Variants in A2M observed in about 807,000 individuals in gnomAD.
The protein encoded by A2M is alpha-2-macroglobulin.
A2M carries 128 observed loss-of-function variants against 183.9 expected under a neutral mutation model. The observed-to-expected ratio is 0.70, with a 90% CI of 0.60 to 0.81. The LOEUF (loss-of-function observed/expected upper bound fraction) is 0.81. Ranked by LOEUF, A2M falls within the 30% of genes least tolerant of loss-of-function variation. A2M has a pLI of 0.00. For missense variants in A2M, 1,495 were observed against 1,787.6 expected (o/e 0.84, Z 2.95); for synonymous variants, 592 against 670.8 (o/e 0.88, Z 1.81).
intron 18 of A2M, among the ~76,000 whole-genome samples, chr12:9,092,801 A>C (rs1437207899): frequency 6.6e-6 from 1 of 152,218 alleles, no homozygotes; most frequent in Admixed American, 6.5e-5. Context: ...CCTTGTAGAG[A>C]TATATGTGTT....
At chr12:9,116,061 A>T, upstream of A2M, 1 of 563,320 alleles carries the variant, frequency 1.8e-6, no homozygotes, top group Admixed American at 2.4e-5. Context: ...GTCAAGGTTA[A>T]TTCCTGGCGG....
chr12:9,080,287 G>A lies in A2M; in HGVS notation c.2771-110C>T, dbSNP rs1034042455. On this transcript the variant is annotated intron_variant, in intron 22 of 35. Transcript: ENST00000318602. ...TATGCCTTATACCTAAACTCCTCCT[G>A]AAAAGTTGTCCGCCTTTAATACAAC... 6 of 596,020 alleles carry A rather than the reference G, an allele frequency of 1.0e-5. No homozygotes were observed. The African/African-American group carries it at 1.2e-4, about 11-fold the overall frequency. 36.9% of individuals were successfully genotyped at this position (596,020 alleles called of 1,614,324 possible). A position where few individuals can be genotyped will look rare whatever the true frequency, so the allele number is the denominator to read the frequency against.
At chr12:9,073,701 G>C (rs1250482062) in intron 29 of A2M, among the ~76,000 whole-genome samples, 1 of 152,122 alleles carries the variant, frequency 6.6e-6, no homozygotes, top group East Asian at 1.9e-4. Flanking sequence ...TCAATGAATT[G>C]TTCAGATACA....
At position 9,110,353 on chromosome 12, in the gene A2M, A is replaced by C. The variant is rs747449288; in HGVS notation, c.484-19T>G. 1.2e-5 allele frequency: 16 copies of C among 1,386,384 alleles called. No individual in the cohort carries two copies. Among genetic ancestry groups the C allele is most frequent in the Middle Eastern group, 1.8e-4 (1 of 5,650 alleles). The allele number at this position is 1,386,384 out of a possible 1,614,324, so 85.9% of individuals were successfully genotyped here. A position where few individuals can be genotyped will look rare whatever the true frequency, so the allele number is the denominator to read the frequency against. ...GTGGAATCTGAAAGACAAAAGAAAA[A>C]AGAAGTTTATAATTATTTTCAAATA... On this transcript the variant is annotated intron_variant, in intron 4 of 35. Transcript: ENST00000318602.
chr12:9,079,894 T>G lies in A2M; in HGVS notation c.2855-79A>C, dbSNP rs527386548. ...AAGTCATTAAGCAGAAATAATTAGT[T>G]GAGCTTAGAAATTGAGAATTTTTAG... On this transcript the variant is annotated intron_variant, in intron 23 of 35. Transcript: ENST00000318602. 516 of 1,341,182 alleles carry G rather than the reference T, an allele frequency of 3.8e-4. 2 individuals are homozygous for G. The highest frequency in any genetic ancestry group is 4.8e-4 in the Non-Finnish European group (489 of 1,015,808). 83.1% of individuals were successfully genotyped at this position (1,341,182 alleles called of 1,614,324 possible).
At chr12:9,098,524 T>G in intron 15 of A2M, 83 bp downstream of exon 15, 2 of 1,457,642 alleles carry the variant, frequency 1.4e-6, no homozygotes, top group Non-Finnish European at 1.8e-6. Context: ...TTAATTGATC[T>G]TATCCTACTT....
rs1592378097 is a variant in A2M, at chr12:9,101,249, G to A, written c.1495-42C>T. 1.1e-5 allele frequency: 17 copies of A among 1,535,722 alleles called. No individual in the cohort carries two copies. The East Asian group carries it at 4.2e-4, about 38-fold the overall frequency. On this transcript the variant is annotated intron_variant, in intron 12 of 35. Transcript: ENST00000318602. ...AAAAAGAAATTAAATGTGCCAGAGA[G>A]AACACGCTTCAGTCTCACTTCAATA...
At chr12:9,089,146 G>T in intron 22 of A2M, 54 bp downstream of exon 22, 1 of 1,323,772 alleles carries the variant, frequency 7.6e-7, no homozygotes, top group Non-Finnish European at 1.1e-6. Flanking sequence ...AATGTTCTTT[G>T]AACTTTAAAT....
At chr12:9,075,871 G>C (rs1360555991) in intron 28 of A2M, among the ~76,000 whole-genome samples, 1 of 152,156 alleles carries the variant, frequency 6.6e-6, no homozygotes, top group Non-Finnish European at 1.5e-5. Context: ...ATCTATGAGA[G>C]AGTTGTACAG....
At chr12:9,099,951 ATTTT>A (rs1937690593) in intron 13 of A2M, among the ~76,000 whole-genome samples, 1 of 152,200 alleles carries the variant, frequency 6.6e-6, no homozygotes, top group African/African-American at 2.4e-5. Flanking sequence ...TTCAGAAGTT[ATTTT>A]TTGATGCCTA....
Position 9,077,406 on chromosome 12 carries a change from A to G in A2M, c.3291T>C (p.Asp1097=). The change falls in exon 27 of 36, where the codon GAT becomes GAC. Residue 1097 remains aspartate, a synonymous_variant. Transcript: ENST00000318602. ...LNNAIKGGVE[D]EVTLSAYITI... is the part of the protein sequence containing the mutation. ...TGATATAGGCGGAGAGGGTCACTTC[A>G]TCTTCTACTCCTCCCTGTGAATACG... is the stretch of plus-strand genomic sequence containing the variant. 6.2e-7 allele frequency: 1 copy of G among 1,613,234 alleles called. No individual in the cohort carries two copies. Among genetic ancestry groups the G allele is most frequent in the Non-Finnish European group, 8.5e-7 (1 of 1,179,620 alleles).
intron 2 of A2M, among the ~76,000 whole-genome samples, chr12:9,113,105 C>CT (rs11463805): frequency 0.29 from 41,398 of 143,622 alleles, 7,009 homozygotes; most frequent in South Asian, 0.37. Context: ...GTCACATTTT[C>CT]TTTTTTTTTT....
chr12:9,075,128 C>G (rs1199509312), intron 28 of A2M, among the ~76,000 whole-genome samples: 1 of 152,104 alleles, frequency 6.6e-6, no homozygotes, highest in Non-Finnish European at 1.5e-5. Context: ...GTTACATTTC[C>G]TATAAAGTGT....
At position 9,091,427 on chromosome 12, in the gene A2M, G is replaced by A. The variant is rs1949211906; in HGVS notation, c.2243C>T (p.Ser748Leu). The A allele has an allele frequency of 1.2e-6, 2 of 1,614,024 alleles. No homozygotes were observed. Among genetic ancestry groups the A allele is most frequent in the African/African-American group, 2.7e-5 (2 of 74,914 alleles). Residue 748 changes from serine (S) to leucine (L), a missense_variant and splice_region_variant, in exon 19 of 36, where the codon TCA becomes TTA. Coordinates refer to ENST00000318602, the MANE Select transcript of A2M (RefSeq NM_000014.6). ...TWIWDLVVVN[S>L]AGVAEVGVTV... Reference sequence around the variant, plus strand: ...TACTCCTACCTCAGCCACACCTGCTGAGCTGGAGAGGAGTGTAAGTGAAGA... The same window carrying A: ...TACTCCTACCTCAGCCACACCTGCTAAGCTGGAGAGGAGTGTAAGTGAAGA...
chr12:9,115,827 T>G lies in A2M; in HGVS notation c.23A>C (p.His8Pro). The change falls in exon 1 of 36, where the codon CAT becomes CCT. Residue 8 changes from histidine (H) to proline (P), a missense_variant. Physicochemically the swap from His to Pro is moderately conservative, Grantham distance 77 (BLOSUM62 -2). Transcript: ENST00000318602. MGKNKLL[H>P]PSLVLLLLVL... ...CAAGAGGAGAAGAACCAGACTTGGA[T>G]GAAGGAGTTTGTTCTTCCCCATGTT... is the stretch of plus-strand genomic sequence containing the variant. The G allele has an allele frequency of 1.2e-6, 2 of 1,613,414 alleles. No homozygotes were observed. Among genetic ancestry groups the G allele is most frequent in the Non-Finnish European group, 1.7e-6 (2 of 1,179,454 alleles).
chr12:9,108,351 C>A (rs1938466235), intron 7 of A2M, among the ~76,000 whole-genome samples: 1 of 152,146 alleles, frequency 6.6e-6, no homozygotes, highest in Non-Finnish European at 1.5e-5. Flanking sequence ...TGGTCTTGAT[C>A]TCCTGACCTC....
At chr12:9,092,047 G>C (rs226410) in intron 18 of A2M, among the ~76,000 whole-genome samples, 3,884 of 152,274 alleles carry the variant, frequency 0.026, 173 homozygotes, top group African/African-American at 0.089. Context: ...CTCCCTGGAA[G>C]GGCTTCGTCT....
rs764164454 is a variant in A2M, at chr12:9,098,687, G to A, written c.1771C>T (p.Pro591Ser). 6 of 1,612,004 alleles carry A rather than the reference G, an allele frequency of 3.7e-6. No individual in the cohort carries two copies. Among genetic ancestry groups the A allele is most frequent in the Admixed American group, 3.3e-5 (2 of 59,788 alleles). The change falls in exon 15 of 36, where the codon CCT becomes TCT. Residue 591 changes from proline to serine, a missense_variant. Pro to Ser is a moderately conservative substitution (Grantham distance 74, BLOSUM62 -1). Transcript: ENST00000318602. ...SHAHLRVTAA[P>S]QSVCALRAVD... The stretch of plus-strand genomic sequence containing the variant: ...GCACGGAGGGCGCAGACGGACTGAG[G>A]AGCCGCTGTGACTCGCAGGTGGGCG...
upstream of A2M, chr12:9,116,127 CTT>C (rs778803861): frequency 1.1e-3 from 439 of 416,062 alleles, 2 homozygotes; most frequent in African/African-American, 8.4e-3. Flanking sequence ...TAAGAGCTCA[CTT>C]TTACCGTACA....
Sources: allele counts gnomAD v4.1 joint callset (sites outside exome capture counted in the v4.1 genomes callset), GRCh38; gene constraint gnomAD v4.1.1; transcripts MANE v1.5; gene names NCBI Gene and HGNC (gene_info 2026-07-23, HGNC 2026-07-21).